ST8SIA5: variants seen among roughly 807,000 people sequenced by gnomAD.
ST8SIA5 encodes the protein alpha-2,8-sialyltransferase 8E.
A neutral mutation model predicts 40.2 loss-of-function variants in ST8SIA5; 24 were observed. That is an observed-to-expected ratio of 0.60 (90% CI 0.43 to 0.84). ST8SIA5 has a LOEUF of 0.84. Ranked by LOEUF, ST8SIA5 falls within the 40% of genes least tolerant of loss-of-function variation. ST8SIA5 has a pLI of 0.00. For missense variants in ST8SIA5, 465 were observed against 498.5 expected, an observed-to-expected ratio of 0.93 and a Z score of 0.64; for synonymous variants, 198 against 201.8, an observed-to-expected ratio of 0.98 and a Z score of 0.16.
chr18:46,688,294 C>G (rs1239548721), intron 4 of ST8SIA5, among the ~76,000 whole-genome samples: 1 of 152,156 alleles, frequency 6.6e-6, no homozygotes, highest in Non-Finnish European at 1.5e-5. Flanking sequence ...AGTCCAAGCC[C>G]CAGTGTTACA....
intron 1 of ST8SIA5, among the ~76,000 whole-genome samples, chr18:46,719,230 T>G (rs933293794): frequency 4.6e-5 from 7 of 152,178 alleles, no homozygotes; most frequent in African/African-American, 1.7e-4. Flanking sequence ...GGCACCTGAA[T>G]TCCAAAACCA....
intron 1 of ST8SIA5, among the ~76,000 whole-genome samples, chr18:46,731,084 C>T (rs190996966): frequency 4.1e-4 from 63 of 152,294 alleles, no homozygotes; most frequent in African/African-American, 1.2e-3. Flanking sequence ...ACTACGTGAG[C>T]GCTAGTTGTT....
At position 46,718,511 on chromosome 18, in the gene ST8SIA5, TAAG is replaced by T. The variant is rs35336136; in HGVS notation, c.132-13850_132-13848del. ...CTGTACTTCCCCAGCCTGTGACCAA[TAAG>T]AAGATCTGACCACAGCCTTTTATGA... On this transcript the variant is annotated intron_variant, in intron 1 of 6. Coordinates refer to ENST00000315087, the MANE Select transcript of ST8SIA5 (RefSeq NM_013305.6). Among the ~76,000 whole-genome samples, 995 of 152,176 alleles carry T rather than the reference TAAG, an allele frequency of 6.5e-3. 11 individuals carry two copies. Among genetic ancestry groups the T allele is most frequent in the Middle Eastern group, 0.02 (6 of 294 alleles).
intron 5 of ST8SIA5, among the ~76,000 whole-genome samples, chr18:46,685,590 G>A (rs1355940013): frequency 1.3e-5 from 2 of 152,134 alleles, no homozygotes; most frequent in African/African-American, 4.8e-5. Context: ...CAACTGAGTG[G>A]CCCGATGATT....
intron 1 of ST8SIA5, among the ~76,000 whole-genome samples, chr18:46,728,991 C>G (rs559006141): frequency 1.3e-5 from 2 of 152,164 alleles, no homozygotes; most frequent in African/African-American, 4.8e-5. Context: ...AGTGGCCCTG[C>G]AGTTTCACTT....
At chr18:46,746,170 C>G (rs1323075022) in intron 1 of ST8SIA5, among the ~76,000 whole-genome samples, 1 of 152,152 alleles carries the variant, frequency 6.6e-6, no homozygotes, top group African/African-American at 2.4e-5. Context: ...AAAATGATGT[C>G]CTCTCTCACC....
At chr18:46,698,500 C>T (rs527955853) in intron 2 of ST8SIA5, among the ~76,000 whole-genome samples, 1 of 152,172 alleles carries the variant, frequency 6.6e-6, no homozygotes, top group South Asian at 2.1e-4. Flanking sequence ...ACCCAACAAC[C>T]CAACACACCA....
chr18:46,705,601 C>A (rs1368050870), intron 1 of ST8SIA5, among the ~76,000 whole-genome samples: 1 of 152,226 alleles, frequency 6.6e-6, no homozygotes, highest in Admixed American at 6.5e-5. Flanking sequence ...GCTATGAGCA[C>A]GGCTGGTGTC....
At chr18:46,748,936 TAACA>T (rs2040169427) in intron 1 of ST8SIA5, among the ~76,000 whole-genome samples, 4 of 152,016 alleles carry the variant, frequency 2.6e-5, no homozygotes, top group Non-Finnish European at 5.9e-5. Flanking sequence ...AAACTTAACA[TAACA>T]GTGAAAAACA....
intron 2 of ST8SIA5, among the ~76,000 whole-genome samples, chr18:46,700,078 A>C (rs1406239830): frequency 6.6e-6 from 1 of 152,196 alleles, no homozygotes; most frequent in Non-Finnish European, 1.5e-5. Flanking sequence ...TTCTTATTTT[A>C]AAATAAAGGG....
intron 5 of ST8SIA5, among the ~76,000 whole-genome samples, chr18:46,683,061 T>C (rs1568248890): frequency 6.6e-6 from 1 of 152,140 alleles, no homozygotes. Context: ...AGGAAACGAA[T>C]ACGGCCCTAA....
In ST8SIA5 at chr18:46,671,101, T is replaced by C. The variant is rs1171407808; in HGVS notation, c.*8941A>G. 6.6e-6 allele frequency: 1 copy of C among 152,124 alleles called. No individual in the cohort carries two copies. The highest frequency in any genetic ancestry group is 1.5e-5 in the Non-Finnish European group (1 of 68,028). The allele number at this position is 152,124 out of a possible 1,614,324, so 9.4% of individuals were successfully genotyped here. A position where few individuals can be genotyped will look rare whatever the true frequency, so the allele number is the denominator to read the frequency against. On this transcript the variant is annotated 3_prime_UTR_variant, in exon 7 of 7. Transcript: ENST00000315087. ...GCTGGGTTCGATCCTAGGAAGTGAG[T>C]TGTGTTTTCACCCTGCCTCAGTAAA...
chr18:46,756,251 C>T (rs79087688), intron 1 of ST8SIA5, 127 bp downstream of exon 1: 29,157 of 1,348,370 alleles, frequency 0.022, 376 homozygotes, highest in Non-Finnish European at 0.024. Flanking sequence ...CGGCCATGCT[C>T]GGGGCTAGGA....
At chr18:46,699,932 T>C (rs78271214) in intron 2 of ST8SIA5, among the ~76,000 whole-genome samples, 4,196 of 152,318 alleles carry the variant, frequency 0.028, 88 homozygotes, top group Non-Finnish European at 0.042. Flanking sequence ...TCCCAGCCTC[T>C]TTCTTGGTCT....
chr18:46,748,789 G>A (rs906526653), intron 1 of ST8SIA5, among the ~76,000 whole-genome samples: 4 of 151,930 alleles, frequency 2.6e-5, no homozygotes, highest in Admixed American at 2.6e-4. Flanking sequence ...CTCATACAAT[G>A]CTGGAGAAAA....
intron 6 of ST8SIA5, 56 bp from the exon 7 acceptor site, chr18:46,680,566 T>A (rs1055733276): frequency 5.4e-6 from 8 of 1,486,622 alleles, no homozygotes; most frequent in Non-Finnish European, 7.2e-6. Context: ...CTCAGGCCCC[T>A]CGCTTCCCCA....
At chr18:46,721,473 G>T (rs1337227752) in intron 1 of ST8SIA5, 21 of 1,535,726 alleles carry the variant, frequency 1.4e-5, no homozygotes, top group Non-Finnish European at 1.7e-5. Flanking sequence ...GAGGCCTCTG[G>T]CAAGAAAACG....
chr18:46,722,619 G>T (rs1452096156), intron 1 of ST8SIA5, among the ~76,000 whole-genome samples: 1 of 152,254 alleles, frequency 6.6e-6, no homozygotes, highest in African/African-American at 2.4e-5. Context: ...GGCATCTGGG[G>T]TTGGCTACTT....
chr18:46,754,925 C>G (rs778653769), intron 1 of ST8SIA5, among the ~76,000 whole-genome samples: 1 of 152,226 alleles, frequency 6.6e-6, no homozygotes, highest in Non-Finnish European at 1.5e-5. Context: ...ACCCAGCTGT[C>G]CTTGCATAGG....
Sources: allele counts gnomAD v4.1 joint callset (sites outside exome capture counted in the v4.1 genomes callset), GRCh38; gene constraint gnomAD v4.1.1; transcripts MANE v1.5; gene names NCBI Gene and HGNC (gene_info 2026-07-23, HGNC 2026-07-21).